The following INPP5A variants were observed in gnomAD, a reference collection of about 807,000 sequenced individuals.
INPP5A encodes the protein 43 kDa inositol polyphosphate 5-phophatase.
Under a neutral mutation model 65.2 loss-of-function variants are expected in INPP5A, and 14 were observed. The observed-to-expected ratio is 0.21, with a 90% CI of 0.14 to 0.34. INPP5A has a LOEUF of 0.34. Among genes scored for constraint, INPP5A ranks in the 10% least tolerant of loss-of-function variants. The probability of loss-of-function intolerance (pLI) is 1.00; values close to 1 mark genes in which losing one functional copy is unlikely to be tolerated. For missense variants in INPP5A, 431 were observed against 545.6 expected, an observed-to-expected ratio of 0.79 and a Z score of 2.09; for synonymous variants, 207 against 208.3, an observed-to-expected ratio of 0.99 and a Z score of 0.05.
At chr10:132,579,562 C>T (rs1410452671) in intron 1 of INPP5A, among the ~76,000 whole-genome samples, 1 of 152,138 alleles carries the variant, frequency 6.6e-6, no homozygotes, top group Non-Finnish European at 1.5e-5. Context: ...GCCAGGGACA[C>T]TAGAAGGGTG....
intron 2 of INPP5A, among the ~76,000 whole-genome samples, chr10:132,612,569 G>A (rs1209733019): frequency 1.3e-5 from 2 of 152,032 alleles, no homozygotes; most frequent in Non-Finnish European, 2.9e-5. Context: ...CACTCCTAGG[G>A]CTGCTCCAAG....
intron 1 of INPP5A, among the ~76,000 whole-genome samples, chr10:132,600,953 A>G (rs750727003): frequency 1.4e-4 from 21 of 152,346 alleles, no homozygotes; most frequent in Non-Finnish European, 2.1e-4. Flanking sequence ...ATACAATTCA[A>G]GTTGAGATTT....
chr10:132,593,230 C>T (rs2071641402), intron 1 of INPP5A, among the ~76,000 whole-genome samples: 1 of 152,186 alleles, frequency 6.6e-6, no homozygotes, highest in African/African-American at 2.4e-5. Context: ...TCAGCCTATG[C>T]ATGGGCGCGC....
At chr10:132,578,107 G>A (rs755408122) in intron 1 of INPP5A, among the ~76,000 whole-genome samples, 2 of 152,212 alleles carry the variant, frequency 1.3e-5, no homozygotes, top group Admixed American at 6.5e-5. Context: ...TAAAATTAAC[G>A]TGTGAGGGGA....
intron 2 of INPP5A, among the ~76,000 whole-genome samples, chr10:132,615,923 T>A (rs1166583535): frequency 6.6e-6 from 1 of 152,140 alleles, no homozygotes; most frequent in South Asian, 2.1e-4. Flanking sequence ...GCCTCTCAGC[T>A]GAGAGGCTGC....
intron 11 of INPP5A, among the ~76,000 whole-genome samples, chr10:132,760,184 GAGCAGCCCC>G (rs1846706423): frequency 6.6e-6 from 1 of 152,228 alleles, no homozygotes; most frequent in East Asian, 1.9e-4. Context: ...CTAGGAGGTG[GAGCAGCCCC>G]AGCAGCCCCA....
At chr10:132,721,941 A>C (rs1164481526) in intron 8 of INPP5A, among the ~76,000 whole-genome samples, 4 of 152,210 alleles carry the variant, frequency 2.6e-5, no homozygotes, top group Admixed American at 2.6e-4. Flanking sequence ...CATGAAAAAT[A>C]GTCCAGCAGT....
chr10:132,682,040 C>T (rs1204925371), intron 4 of INPP5A, among the ~76,000 whole-genome samples: 3 of 151,684 alleles, frequency 2.0e-5, no homozygotes, highest in African/African-American at 4.9e-5. Context: ...CTGGGGAGAG[C>T]GGGAAGGGAA....
rs1346421614 is a variant in INPP5A, at chr10:132,663,091, C to CG, written c.306+12586_306+12587insG. 3.8e-4 allele frequency among the ~76,000 whole-genome samples: 58 copies of CG among 152,226 alleles called. No homozygotes were observed. The highest frequency in any genetic ancestry group is 3.1e-3 in the Admixed American group (48 of 15,278). On this transcript the variant is annotated intron_variant, in intron 4 of 15. Transcript: ENST00000368594. This position sits in a 1 kb window ranked among gnomAD's most constrained non-coding sequence, Gnocchi z 4.5. The stretch of plus-strand genomic sequence containing the variant: ...CAGCTGGCCCCTCGAACGGACTGTG[C>CG]ACACCACTGTGTGTCTCACAACTCA...
intron 13 of INPP5A, chr10:132,778,025 A>G: frequency 8.9e-7 from 1 of 1,120,534 alleles, no homozygotes; most frequent in Non-Finnish European, 1.2e-6. Flanking sequence ...AGCCAGCGTC[A>G]TCCTGAGTTT....
rs1409213413 is a variant in INPP5A, at chr10:132,762,463, G to A, written c.904-3310G>A. On this transcript the variant is annotated intron_variant, in intron 11 of 15. Transcript: ENST00000368594. The surrounding 1 kb of genome is among the most constrained non-coding windows in gnomAD (Gnocchi z 4.6). ...GGAGGCGTTCAGTCAAAGAGCTGGT[G>A]GAAAACCCCACCCACACACTTAGAG... Among the ~76,000 whole-genome samples the A allele has an allele frequency of 6.6e-6, 1 of 152,150 alleles. No individual in the cohort carries two copies. Among genetic ancestry groups the A allele is most frequent in the Non-Finnish European group, 1.5e-5 (1 of 68,026 alleles).
chr10:132,584,133 C>T (rs2071519833), intron 1 of INPP5A, among the ~76,000 whole-genome samples: 1 of 152,248 alleles, frequency 6.6e-6, no homozygotes, highest in Non-Finnish European at 1.5e-5. Flanking sequence ...TTTGTGTACA[C>T]ATCAGTGAGA....
At chr10:132,777,913 G>A in intron 13 of INPP5A, 131 bp downstream of exon 13, 1 of 1,506,408 alleles carries the variant, frequency 6.6e-7, no homozygotes, top group South Asian at 1.3e-5. Flanking sequence ...GTTGGGCCCT[G>A]ACCTCGTGCT....
At chr10:132,595,843 T>G (rs2071678934) in intron 1 of INPP5A, among the ~76,000 whole-genome samples, 1 of 152,232 alleles carries the variant, frequency 6.6e-6, no homozygotes, top group South Asian at 2.1e-4. Flanking sequence ...TAGAATTACT[T>G]TTTTAAGGAC....
Position 132,678,060 on chromosome 10 carries a change from G to A in INPP5A, c.307-12332G>A, listed in dbSNP as rs112916051. Among the ~76,000 whole-genome samples, 1 of 152,354 alleles carries A rather than the reference G, an allele frequency of 6.6e-6. No individual in the cohort carries two copies. The highest frequency in any genetic ancestry group is 2.4e-5 in the African/African-American group (1 of 41,582). On this transcript the variant is annotated intron_variant, in intron 4 of 15. Transcript: ENST00000368594. This position sits in a 1 kb window ranked among gnomAD's most constrained non-coding sequence, Gnocchi z 4.1. ...GGGAGAGGGGCTCGGCAGGAGGCCA[G>A]ACAGGGGGACACCTTGGTGCCGTCA...
chr10:132,612,940 G>C (rs980695570), intron 2 of INPP5A, among the ~76,000 whole-genome samples: 4 of 152,116 alleles, frequency 2.6e-5, no homozygotes, highest in Non-Finnish European at 5.9e-5. Flanking sequence ...GACAGTTCCC[G>C]CGCATTCGGG....
intron 1 of INPP5A, among the ~76,000 whole-genome samples, chr10:132,591,673 C>T (rs930801919): frequency 6.6e-5 from 10 of 152,190 alleles, no homozygotes; most frequent in African/African-American, 1.4e-4. Flanking sequence ...CTGTTAATTT[C>T]AGGACCTCCT....
At chr10:132,754,579 C>G (rs1276984373) in intron 11 of INPP5A, among the ~76,000 whole-genome samples, 1 of 152,276 alleles carries the variant, frequency 6.6e-6, no homozygotes, top group African/African-American at 2.4e-5. Context: ...AAGTTCACTT[C>G]AAACCACACA....
rs1431526079 is a variant in INPP5A at position 132,723,941 on chromosome 10, A to G, written c.648-2880A>G. Among the ~76,000 whole-genome samples, 4 of 151,098 alleles carry G rather than the reference A, an allele frequency of 2.6e-5. No homozygotes were observed. The East Asian group carries it at 7.7e-4, about 29-fold the overall frequency. Reference sequence around the variant, plus strand: ...GCAGAGCTTGGGGCTCGTTTAAGCAAATCACACTAGAATAGATCAAACTTG... The same window carrying G: ...GCAGAGCTTGGGGCTCGTTTAAGCAGATCACACTAGAATAGATCAAACTTG... On this transcript the variant is annotated intron_variant, in intron 8 of 15. Transcript: ENST00000368594.
Sources: gnomAD v4.1 joint callset for allele counts (sites outside exome capture counted in the v4.1 genomes callset) on GRCh38, gnomAD v4.1.1 for gene constraint, Gnocchi (gnomAD v3.1) non-coding constraint, MANE v1.5 for transcripts, NCBI Gene and HGNC (gene_info 2026-07-23, HGNC 2026-07-21) for gene names.